The following CUBN variants were observed in gnomAD, a reference collection of about 807,000 sequenced individuals.
CUBN encodes 460 kDa receptor.
In CUBN, 282 loss-of-function variants were observed where a neutral mutation model predicts 405.3. The observed-to-expected ratio is 0.70, with a 90% CI of 0.63 to 0.77. The LOEUF (loss-of-function observed/expected upper bound fraction) is 0.77, where lower values mean the gene tolerates loss of function less well. Among genes scored for constraint, CUBN ranks in the 30% least tolerant of loss-of-function variants. The pLI is 0.00. For synonymous variants in CUBN, 1,684 were observed against 1,617.0 expected (o/e 1.04, Z -0.99); for missense variants, 4,514 against 4,475.2 (o/e 1.01, Z -0.25).
chr10:17,018,190 G>T (rs1834390646), intron 28 of CUBN, among the ~76,000 whole-genome samples: 2 of 152,136 alleles, frequency 1.3e-5, no homozygotes, highest in Admixed American at 6.5e-5. Flanking sequence ...CTGGCCAAGA[G>T]GTGCCCGGTA....
intron 31 of CUBN, among the ~76,000 whole-genome samples, chr10:16,974,880 C>T (rs1191975735): frequency 6.6e-6 from 1 of 152,136 alleles, no homozygotes; most frequent in African/African-American, 2.4e-5. Context: ...CTCTTCTTTA[C>T]AGTTTTCTTG....
At position 17,071,975 on chromosome 10, in the gene CUBN, A is replaced by T; in HGVS notation, c.2302-4T>A. On this transcript the variant is annotated splice_polypyrimidine_tract_variant and splice_region_variant and intron_variant, in intron 17 of 66. Transcript: ENST00000377833. ...GTAAGGTTTCACCATCTCGAACCTA[A>T]AGAGAAAAATAAAATAGAGATGTAA... is the stretch of plus-strand genomic sequence containing the variant. The T allele has an allele frequency of 6.2e-7, 1 of 1,608,796 alleles. No individual in the cohort carries two copies. The highest frequency in any genetic ancestry group is 8.5e-7 in the Non-Finnish European group (1 of 1,177,088).
intron 31 of CUBN, among the ~76,000 whole-genome samples, chr10:16,968,011 G>C (rs1171564946): frequency 3.3e-5 from 5 of 150,308 alleles, no homozygotes; most frequent in African/African-American, 1.2e-4. Context: ...GAGGAAAAGA[G>C]AGGGAGAGAG....
chr10:17,051,048 T>G (rs1273285659), intron 22 of CUBN, among the ~76,000 whole-genome samples: 1 of 151,276 alleles, frequency 6.6e-6, no homozygotes, highest in Admixed American at 6.6e-5. Context: ...CCAAAACTAT[T>G]ACAAATATTA....
chr10:16,890,385 G>T lies in CUBN; in HGVS notation c.8741C>A (p.Ala2914Glu), dbSNP rs45551835. Residue 2914 changes from alanine to glutamate, a missense_variant, in exon 55 of 67, where the codon GCG (alanine) becomes GAG (glutamate). Coordinates refer to ENST00000377833, the MANE Select transcript of CUBN (RefSeq NM_001081.4). Reference sequence around the variant, plus strand: ...GGGCTACTTACGGCTAACAAAGGACGCGGAGAAGCCCTGAGCTGGTGCCTC... The same window carrying T: ...GGGCTACTTACGGCTAACAAAGGACTCGGAGAAGCCCTGAGCTGGTGCCTC... Reference protein sequence around the residue: ...SQEAPAQGFSASFVSRCGSNF... With the variant: ...SQEAPAQGFSESFVSRCGSNF... 6.2e-7 allele frequency: 1 copy of T among 1,613,280 alleles called. No homozygotes were observed. The highest frequency in any genetic ancestry group is 8.5e-7 in the Non-Finnish European group (1 of 1,180,014).
chr10:17,025,770 C>T (rs999222958), intron 27 of CUBN, among the ~76,000 whole-genome samples: 7 of 152,086 alleles, frequency 4.6e-5, no homozygotes, highest in Admixed American at 2.6e-4. Context: ...GGCCAATCCT[C>T]GCAGTGTGTT....
At chr10:16,919,444 T>A (rs1473780399) in intron 44 of CUBN, among the ~76,000 whole-genome samples, 1 of 152,212 alleles carries the variant, frequency 6.6e-6, no homozygotes, top group East Asian at 1.9e-4. Context: ...ATCAATATAG[T>A]TTTTCTTTCT....
intron 28 of CUBN, among the ~76,000 whole-genome samples, chr10:17,016,323 AG>A (rs1834327392): frequency 6.6e-6 from 1 of 152,142 alleles, no homozygotes; most frequent in Non-Finnish European, 1.5e-5. Flanking sequence ...TCGAGGTCCC[AG>A]TGGGGATCCA....
intron 60 of CUBN, among the ~76,000 whole-genome samples, chr10:16,850,567 G>A (rs1398041196): frequency 2.0e-5 from 3 of 152,162 alleles, no homozygotes; most frequent in Admixed American, 6.5e-5. Context: ...CACCTCCCGG[G>A]TTCAAGCGAT....
At chr10:17,077,442 T>A (rs886497852) in intron 17 of CUBN, among the ~76,000 whole-genome samples, 17 of 152,216 alleles carry the variant, frequency 1.1e-4, no homozygotes, top group Non-Finnish European at 2.9e-5. Context: ...ACATCTGGAA[T>A]GAGTCAAGTC....
rs968090080 is a variant in CUBN, at chr10:17,090,576, T to C, written c.1766-2231A>G. The stretch of plus-strand genomic sequence containing the variant: ...AATAATTGCATTGAGCTGACAACCA[T>C]AGAGAGTAGAAATATTCCAAGGGAC... On this transcript the variant is annotated intron_variant, in intron 14 of 66. Coordinates refer to ENST00000377833, the MANE Select transcript of CUBN (RefSeq NM_001081.4). Among the ~76,000 whole-genome samples the C allele has an allele frequency of 1.4e-4, 22 of 152,108 alleles. No homozygotes were observed. The East Asian group carries it at 3.3e-3, about 23-fold the overall frequency.
rs771444469 is a variant in CUBN, at chr10:17,084,275, A to G, written c.2297T>C (p.Ile766Thr). The change falls in exon 17 of 67, where the codon ATT becomes ACT. Residue 766 changes from isoleucine (I) to threonine (T), a missense_variant. Physicochemically the swap from Ile to Thr is moderately conservative, Grantham distance 89 (BLOSUM62 -1). Coordinates refer to ENST00000377833, the MANE Select transcript of CUBN (RefSeq NM_001081.4). ...CGATTGAGTAGTGAAAGTTACCTCAATGTAATTCTGAGAACTGTCACTCTG... is the reference window on the plus strand; with the variant it reads ...CGATTGAGTAGTGAAAGTTACCTCAGTGTAATTCTGAGAACTGTCACTCTG... Reference protein sequence around the residue: ...QCQSDSSQNYIEVRDGETLLG... With the variant: ...QCQSDSSQNYTEVRDGETLLG... The G allele has an allele frequency of 1.5e-5, 25 of 1,613,986 alleles. No homozygotes were observed. Among genetic ancestry groups the G allele is most frequent in the Non-Finnish European group, 2.0e-5 (24 of 1,179,986 alleles).
chr10:17,006,246 A>C (rs1255310444), intron 28 of CUBN, among the ~76,000 whole-genome samples: 1 of 152,220 alleles, frequency 6.6e-6, no homozygotes, highest in East Asian at 1.9e-4. Flanking sequence ...CTTCTCAAAA[A>C]ATATCTGCTG....
In CUBN at chr10:16,851,421, A is replaced by G; in HGVS notation, c.9477T>C (p.Gly3159=). 1.2e-6 allele frequency: 2 copies of G among 1,614,138 alleles called. No homozygotes were observed. The highest frequency in any genetic ancestry group is 1.3e-5 in the African/African-American group (1 of 75,018). The part of the protein sequence containing the change: ...QTLGPQQGCG[G]YLTGSNNTFA... ...AGGTATTATTCGAGCCTGTCAGATA[A>G]CCACCACATCCTTGCTGAGGCCCTG... Residue 3159 remains glycine, a synonymous_variant, in exon 60 of 67, where the codon GGT becomes GGC. Coordinates refer to ENST00000377833, the MANE Select transcript of CUBN (RefSeq NM_001081.4).
chr10:16,946,596 G>C (rs755482495), intron 36 of CUBN, among the ~76,000 whole-genome samples: 17 of 150,842 alleles, frequency 1.1e-4, no homozygotes, highest in Non-Finnish European at 2.1e-4. Flanking sequence ...CCCAGGTTCA[G>C]GGCATTCTCC....
chr10:16,923,229 A>G (rs1467097028), intron 43 of CUBN, among the ~76,000 whole-genome samples: 4 of 151,984 alleles, frequency 2.6e-5, no homozygotes, highest in Non-Finnish European at 5.9e-5. Flanking sequence ...CATGATGTGA[A>G]ACACCTTGTA....
chr10:16,958,312 G>T (rs760544369), intron 31 of CUBN, among the ~76,000 whole-genome samples: 5 of 151,960 alleles, frequency 3.3e-5, no homozygotes, highest in Non-Finnish European at 5.9e-5. Context: ...AAAATAGAAG[G>T]TTTTCTCAAG....
intron 31 of CUBN, among the ~76,000 whole-genome samples, chr10:16,976,321 G>A (rs1448791307): frequency 6.6e-6 from 1 of 151,974 alleles, no homozygotes; most frequent in Non-Finnish European, 1.5e-5. Flanking sequence ...TTCCTGGCCG[G>A]TAGTTACTTT....
At chr10:16,922,673 A>G (rs1842068891) in intron 43 of CUBN, among the ~76,000 whole-genome samples, 1 of 152,148 alleles carries the variant, frequency 6.6e-6, no homozygotes, top group Non-Finnish European at 1.5e-5. Context: ...CTTTCAAATT[A>G]TTGAATATGA....
Sources: gnomAD v4.1 joint callset for allele counts (sites outside exome capture counted in the v4.1 genomes callset) on GRCh38, gnomAD v4.1.1 for gene constraint, MANE v1.5 for transcripts, NCBI Gene and HGNC (gene_info 2026-07-23, HGNC 2026-07-21) for gene names.